NXPH2: variants seen among roughly 807,000 people sequenced by gnomAD.
The protein encoded by NXPH2 is neurexophilin 2, also known as neurexophilin-2.
A neutral mutation model predicts 19.8 loss-of-function variants in NXPH2; 5 were observed. That is an observed-to-expected ratio of 0.25 (90% CI 0.13 to 0.53). The LOEUF (loss-of-function observed/expected upper bound fraction) is 0.53, where lower values mean the gene tolerates loss of function less well. NXPH2 is among the 20% of genes least tolerant of loss of function. The pLI is 0.96. For synonymous variants in NXPH2, 154 were observed against 127.4 expected, an observed-to-expected ratio of 1.21 and a Z score of -1.41; for missense variants, 289 against 322.8, an observed-to-expected ratio of 0.90 and a Z score of 0.80.
At chr2:138,696,736 A>G (rs1474283355) in intron 1 of NXPH2, among the ~76,000 whole-genome samples, 1 of 152,156 alleles carries the variant, frequency 6.6e-6, no homozygotes, top group Non-Finnish European at 1.5e-5. Flanking sequence ...AGATCCAGCA[A>G]TTTTACTTCT....
intron 1 of NXPH2, among the ~76,000 whole-genome samples, chr2:138,735,645 A>C (rs1361738976): frequency 1.3e-5 from 2 of 152,182 alleles, no homozygotes; most frequent in African/African-American, 2.4e-5. Flanking sequence ...TCCAAATCTC[A>C]TGTCCTCACA....
intron 1 of NXPH2, among the ~76,000 whole-genome samples, chr2:138,734,960 G>A (rs1681516339): frequency 6.6e-6 from 1 of 152,148 alleles, no homozygotes; most frequent in Non-Finnish European, 1.5e-5. Context: ...AGATTTAGGG[G>A]CCATCAGTCT....
At chr2:138,746,635 C>T (rs186934026) in intron 1 of NXPH2, among the ~76,000 whole-genome samples, 1 of 152,248 alleles carries the variant, frequency 6.6e-6, no homozygotes, top group Admixed American at 6.5e-5. Flanking sequence ...AATGAAATGT[C>T]AAATTGAGCA....
intron 1 of NXPH2, among the ~76,000 whole-genome samples, chr2:138,729,852 C>T (rs1264165456): frequency 6.6e-6 from 1 of 152,150 alleles, no homozygotes; most frequent in African/African-American, 2.4e-5. Context: ...GGGTTTATGT[C>T]TTCTTTGGTC....
chr2:138,672,232 CA>C (rs1388694623), intron 1 of NXPH2, among the ~76,000 whole-genome samples: 3 of 151,950 alleles, frequency 2.0e-5, no homozygotes, highest in African/African-American at 7.3e-5. Flanking sequence ...GAAAGTTCTA[CA>C]AAAAGTTTTA....
intron 1 of NXPH2, among the ~76,000 whole-genome samples, chr2:138,730,512 A>T (rs1431137596): frequency 2.0e-5 from 3 of 151,782 alleles, no homozygotes; most frequent in Non-Finnish European, 4.4e-5. Context: ...TATCTTGTTT[A>T]CTCTTGAGGC....
chr2:138,749,132 C>T (rs1681787410), intron 1 of NXPH2, among the ~76,000 whole-genome samples: 1 of 152,140 alleles, frequency 6.6e-6, no homozygotes, highest in Non-Finnish European at 1.5e-5. Context: ...TTCCCCCATG[C>T]TATTATCACA....
intron 1 of NXPH2, among the ~76,000 whole-genome samples, chr2:138,764,532 T>C (rs1321172056): frequency 6.6e-6 from 1 of 152,206 alleles, no homozygotes; most frequent in Non-Finnish European, 1.5e-5. Flanking sequence ...AGCAAATTAG[T>C]GTTATAGGCA....
Position 138,704,605 on chromosome 2 carries a change from AG to A in NXPH2, c.52-32941del, listed in dbSNP as rs199551928. On this transcript the variant is annotated intron_variant, in intron 1 of 1. Coordinates refer to ENST00000272641, the MANE Select transcript of NXPH2 (RefSeq NM_007226.3). ...GGAACTGGGAGCCTGCACATCTTCAAGGTATTTAGCTCCTTTAGAAGATTCT... is the reference window on the plus strand; with the variant it reads ...GGAACTGGGAGCCTGCACATCTTCAAGTATTTAGCTCCTTTAGAAGATTCT... Among the ~76,000 whole-genome samples, 571 of 152,270 alleles carry A rather than the reference AG, an allele frequency of 3.7e-3. 4 individuals carry two copies. Among genetic ancestry groups the A allele is most frequent in the African/African-American group, 0.013 (545 of 41,564 alleles).
chr2:138,673,922 A>G (rs533685361), intron 1 of NXPH2, among the ~76,000 whole-genome samples: 8 of 152,226 alleles, frequency 5.3e-5, no homozygotes, highest in African/African-American at 1.4e-4. Flanking sequence ...TAGCTCTTAC[A>G]TATGGGTGAG....
chr2:138,736,686 C>G (rs900323076), intron 1 of NXPH2, among the ~76,000 whole-genome samples: 5 of 152,200 alleles, frequency 3.3e-5, no homozygotes, highest in African/African-American at 9.7e-5. Flanking sequence ...GCTTGAATCT[C>G]TCCTCCAAAA....
intron 1 of NXPH2, among the ~76,000 whole-genome samples, chr2:138,734,180 G>A (rs1246133057): frequency 3.3e-5 from 5 of 152,170 alleles, no homozygotes; most frequent in Non-Finnish European, 7.3e-5. Context: ...GGTAGGAGGA[G>A]GTTGCAGTGA....
intron 1 of NXPH2, among the ~76,000 whole-genome samples, chr2:138,701,168 C>T (rs1234305021): frequency 1.3e-5 from 2 of 152,070 alleles, no homozygotes; most frequent in Non-Finnish European, 2.9e-5. Context: ...ATTCTAGGAG[C>T]GTTTGCAATC....
At chr2:138,701,152 C>T (rs550711080) in intron 1 of NXPH2, among the ~76,000 whole-genome samples, 4 of 152,066 alleles carry the variant, frequency 2.6e-5, no homozygotes, top group East Asian at 3.9e-4. Flanking sequence ...TGCAGTAGCT[C>T]GTGTAATTCT....
chr2:138,776,488 C>T (rs1253925837), intron 1 of NXPH2, among the ~76,000 whole-genome samples: 1 of 151,898 alleles, frequency 6.6e-6, no homozygotes, highest in Non-Finnish European at 1.5e-5. Context: ...AGGTGGGTGA[C>T]TGGAACCAAG....
chr2:138,725,260 T>G (rs1681340276), intron 1 of NXPH2, among the ~76,000 whole-genome samples: 1 of 152,214 alleles, frequency 6.6e-6, no homozygotes, highest in Non-Finnish European at 1.5e-5. Context: ...TGGTTGATGT[T>G]TAACTTTTTC....
chr2:138,756,449 CTTT>C (rs11400090), intron 1 of NXPH2, among the ~76,000 whole-genome samples: 6 of 141,188 alleles, frequency 4.2e-5, no homozygotes, highest in African/African-American at 1.0e-4. Context: ...AATTTTAGGA[CTTT>C]TTTTTTTTTT....
intron 1 of NXPH2, among the ~76,000 whole-genome samples, chr2:138,726,255 G>A (rs1243773043): frequency 6.6e-6 from 1 of 152,030 alleles, no homozygotes; most frequent in African/African-American, 2.4e-5. Context: ...ACGTTGGCCA[G>A]GCTGGTCTTG....
intron 1 of NXPH2, among the ~76,000 whole-genome samples, chr2:138,706,015 T>C (rs1573960800): frequency 6.6e-6 from 1 of 152,188 alleles, no homozygotes; most frequent in Admixed American, 6.5e-5. Context: ...ATCCTTACAA[T>C]GTGAGAAGGA....
Sources: allele counts gnomAD v4.1 joint callset (sites outside exome capture counted in the v4.1 genomes callset), GRCh38; gene constraint gnomAD v4.1.1; transcripts MANE v1.5; gene names NCBI Gene and HGNC (gene_info 2026-07-23, HGNC 2026-07-21).